PLCG2: variants seen among roughly 807,000 people sequenced by gnomAD.
The protein encoded by PLCG2 is phospholipase C gamma 2, also known as 1-phosphatidylinositol 4,5-bisphosphate phosphodiesterase gamma-2.
In PLCG2, 69 loss-of-function variants were observed where a neutral mutation model predicts 175.6. The ratio of observed to expected loss-of-function variants is 0.39; its 90% CI spans 0.32 to 0.48. The LOEUF (loss-of-function observed/expected upper bound fraction) is 0.48, where lower values mean the gene tolerates loss of function less well. Ranked by LOEUF, PLCG2 falls within the 20% of genes least tolerant of loss-of-function variation. The probability of loss-of-function intolerance (pLI) is 0.91; values close to 1 mark genes in which losing one functional copy is unlikely to be tolerated. For missense variants in PLCG2, 1,798 were observed against 1,650.9 expected (o/e 1.09, Z -1.54); for synonymous variants, 827 against 624.0 (o/e 1.33, Z -4.85).
intron 1 of PLCG2, among the ~76,000 whole-genome samples, chr16:81,745,954 C>T (rs1183993675): frequency 6.6e-6 from 1 of 152,208 alleles, no homozygotes; most frequent in Non-Finnish European, 1.5e-5. Context: ...CTAGCCCATT[C>T]AGAGGTGCGT....
chr16:81,786,219 T>C lies in PLCG2; in HGVS notation c.193+37T>C, dbSNP rs765272795. On this transcript the variant is annotated intron_variant, in intron 2 of 32. Transcript: ENST00000564138. ...CTGGGTGGGGCAGTGTGGCCCGTCCTCTGGGGCCCTGGCCTGAGCACCTGT... is the reference window on the plus strand; with the variant it reads ...CTGGGTGGGGCAGTGTGGCCCGTCCCCTGGGGCCCTGGCCTGAGCACCTGT... 2.2e-5 allele frequency: 35 copies of C among 1,562,802 alleles called. 1 individual carries two copies. The highest frequency in any genetic ancestry group is 3.0e-5 in the Non-Finnish European group (34 of 1,138,604).
intron 2 of PLCG2, among the ~76,000 whole-genome samples, chr16:81,760,400 C>G (rs1910013127): frequency 6.6e-6 from 1 of 152,182 alleles, no homozygotes; most frequent in African/African-American, 2.4e-5. Flanking sequence ...CCCTCTGACA[C>G]CTGCTTCTCT....
chr16:81,946,160 C>T lies in PLCG2; in HGVS notation c.3482-15C>T. Reference sequence around the variant, plus strand: ...AATTACCTGCCTTTGCATTTTCCTCCTTGTTCTGCTTCAGGATTCAGGTCC... The same window carrying T: ...AATTACCTGCCTTTGCATTTTCCTCTTTGTTCTGCTTCAGGATTCAGGTCC... On this transcript the variant is annotated splice_polypyrimidine_tract_variant and intron_variant, in intron 30 of 32. Transcript: ENST00000564138. 6.2e-7 allele frequency: 1 copy of T among 1,606,894 alleles called. No individual in the cohort carries two copies. The highest frequency in any genetic ancestry group is 8.5e-7 in the Non-Finnish European group (1 of 1,173,486).
chr16:81,780,475 G>C (rs879507884), intron 1 of PLCG2, among the ~76,000 whole-genome samples: 5 of 152,216 alleles, frequency 3.3e-5, no homozygotes, highest in Admixed American at 2.6e-4. Context: ...AAGTTTTACA[G>C]AATTTTGAAG....
chr16:81,848,779 C>T (rs912074097), intron 2 of PLCG2, among the ~76,000 whole-genome samples: 8 of 152,244 alleles, frequency 5.3e-5, no homozygotes, highest in Middle Eastern at 3.4e-3. Flanking sequence ...ACAATCCCTG[C>T]GTGTATGGAG....
At chr16:81,811,848 A>G (rs1473134476) in intron 2 of PLCG2, among the ~76,000 whole-genome samples, 1 of 152,018 alleles carries the variant, frequency 6.6e-6, no homozygotes, top group Non-Finnish European at 1.5e-5. Flanking sequence ...ATGTGTCTTT[A>G]TAGTAGAATG....
chr16:81,924,490 G>A (rs907818813), intron 22 of PLCG2, among the ~76,000 whole-genome samples: 8 of 152,262 alleles, frequency 5.3e-5, no homozygotes, highest in Non-Finnish European at 1.2e-4. Context: ...TTTTACCGAT[G>A]AGGAAACTGA....
intron 11 of PLCG2, among the ~76,000 whole-genome samples, 170 bp from the exon 12 acceptor site, chr16:81,893,539 G>A (rs1022161577): frequency 1.3e-5 from 2 of 152,238 alleles, no homozygotes; most frequent in Admixed American, 6.5e-5. Flanking sequence ...GTGACCGTGG[G>A]ATTGTGTATT....
At chr16:81,817,230 A>C (rs1295561667) in intron 2 of PLCG2, among the ~76,000 whole-genome samples, 1 of 152,202 alleles carries the variant, frequency 6.6e-6, no homozygotes, top group East Asian at 1.9e-4. Context: ...CCGAGATCCG[A>C]TGGGAAGAAT....
At chr16:81,860,190 A>G (rs1438132391) in intron 5 of PLCG2, among the ~76,000 whole-genome samples, 3 of 81,784 alleles carry the variant, frequency 3.7e-5, no homozygotes, top group Non-Finnish European at 8.5e-5. Flanking sequence ...TTTTTTTTGT[A>G]AAGGTGAAGT....
intron 2 of PLCG2, among the ~76,000 whole-genome samples, chr16:81,836,347 G>C (rs566232738): frequency 3.3e-5 from 5 of 152,164 alleles, no homozygotes; most frequent in Admixed American, 1.3e-4. Context: ...CCATGGACTC[G>C]TATTCCCACT....
intron 14 of PLCG2, among the ~76,000 whole-genome samples, chr16:81,902,701 C>G (rs1345002544): frequency 6.6e-6 from 1 of 152,080 alleles, no homozygotes; most frequent in African/African-American, 2.4e-5. Flanking sequence ...ATGACCTAAT[C>G]ACCTTCTGTG....
chr16:81,944,449 G>A (rs1911071902), intron 30 of PLCG2, among the ~76,000 whole-genome samples: 1 of 152,066 alleles, frequency 6.6e-6, no homozygotes, highest in Non-Finnish European at 1.5e-5. Flanking sequence ...TAGGTTATAT[G>A]CAAATACTAC....
chr16:81,854,184 T>A (rs1450515938), intron 2 of PLCG2, among the ~76,000 whole-genome samples: 1 of 152,212 alleles, frequency 6.6e-6, no homozygotes, highest in Non-Finnish European at 1.5e-5. Flanking sequence ...AATGTGTCTG[T>A]CTGAGAAACA....
chr16:81,863,722 A>G (rs1256585080), intron 5 of PLCG2, among the ~76,000 whole-genome samples: 1 of 152,160 alleles, frequency 6.6e-6, no homozygotes, highest in African/African-American at 2.4e-5. Flanking sequence ...CCTCACCAAC[A>G]CTTACTTCCT....
chr16:81,889,284 T>G lies in PLCG2; in HGVS notation c.867+11T>G. 3.4e-6 allele frequency: 5 copies of G among 1,491,794 alleles called. No homozygotes were observed. Among genetic ancestry groups the G allele is most frequent in the Non-Finnish European group, 4.6e-6 (5 of 1,076,068 alleles). The allele number at this position is 1,491,794 out of a possible 1,614,324, so 92.4% of individuals were successfully genotyped here. A position where few individuals can be genotyped will look rare whatever the true frequency, so the allele number is the denominator to read the frequency against. On this transcript the variant is annotated intron_variant, in intron 10 of 32. Coordinates refer to ENST00000564138, the MANE Select transcript of PLCG2 (RefSeq NM_002661.5). ...TTGTTTGTGGATGAGGTGAGTAGGCTGGGCTTGTTGTCGCTTGGGGGTGAC... is the reference window on the plus strand; with the variant it reads ...TTGTTTGTGGATGAGGTGAGTAGGCGGGGCTTGTTGTCGCTTGGGGGTGAC...
chr16:81,910,351 A>G (rs1909564299), intron 17 of PLCG2, among the ~76,000 whole-genome samples, 169 bp from the exon 18 acceptor site: 1 of 152,180 alleles, frequency 6.6e-6, no homozygotes, highest in African/African-American at 2.4e-5. Context: ...TCGGCCTCCC[A>G]AAGTGCTGGG....
chr16:81,760,409 C>T (rs1910013295), intron 2 of PLCG2, among the ~76,000 whole-genome samples: 2 of 152,170 alleles, frequency 1.3e-5, no homozygotes, highest in African/African-American at 2.4e-5. Flanking sequence ...ACCTGCTTCT[C>T]TTGTTGGTGG....
chr16:81,900,910 C>A (rs898093928), intron 14 of PLCG2, 130 bp downstream of exon 14: 3 of 745,948 alleles, frequency 4.0e-6, no homozygotes, highest in Non-Finnish European at 6.5e-6. Flanking sequence ...AGGCTCAAAT[C>A]TGCTCTCCTT....
Sources: allele counts gnomAD v4.1 joint callset (sites outside exome capture counted in the v4.1 genomes callset), GRCh38; gene constraint gnomAD v4.1.1; transcripts MANE v1.5; gene names NCBI Gene and HGNC (gene_info 2026-07-23, HGNC 2026-07-21).